Variants in FAM13B observed in about 807,000 individuals in gnomAD.
FAM13B encodes the protein family with sequence similarity 13 member B.
A neutral mutation model predicts 117.3 loss-of-function variants in FAM13B; 60 were observed. That is an observed-to-expected ratio of 0.51 (90% CI 0.42 to 0.63). The LOEUF (loss-of-function observed/expected upper bound fraction) is 0.63, where lower values mean the gene tolerates loss of function less well. Among genes scored for constraint, FAM13B ranks in the 30% least tolerant of loss-of-function variants. FAM13B has a pLI of 0.00. For synonymous variants in FAM13B, 332 were observed against 356.1 expected, an observed-to-expected ratio of 0.93 and a Z score of 0.76; for missense variants, 972 against 1,091.9, an observed-to-expected ratio of 0.89 and a Z score of 1.55.
At chr5:138,012,553 T>C (rs1397152585) in intron 4 of FAM13B, among the ~76,000 whole-genome samples, 1 of 152,232 alleles carries the variant, frequency 6.6e-6, no homozygotes, top group East Asian at 1.9e-4. Flanking sequence ...TAAATTCATG[T>C]TGGTTTCTGC....
At chr5:138,021,382 T>G (rs1028265563) in intron 1 of FAM13B, among the ~76,000 whole-genome samples, 185 bp from the exon 2 acceptor site, 15 of 152,144 alleles carry the variant, frequency 9.9e-5, no homozygotes, top group African/African-American at 3.6e-4. Context: ...GATGGAAAAT[T>G]GGAGAAGAAT....
At chr5:137,997,848 G>T (rs1002053301) in intron 7 of FAM13B, among the ~76,000 whole-genome samples, 7 of 152,178 alleles carry the variant, frequency 4.6e-5, no homozygotes, top group African/African-American at 1.4e-4. Context: ...CATACTGTAT[G>T]CCTTTTTCAC....
At chr5:137,956,798 C>CA (rs1181421546) in intron 13 of FAM13B, among the ~76,000 whole-genome samples, 7 of 151,926 alleles carry the variant, frequency 4.6e-5, no homozygotes, top group Non-Finnish European at 1.0e-4. Flanking sequence ...TATTAAAACT[C>CA]AAACATAAAA....
In FAM13B at chr5:137,975,980, C is replaced by CTTTTTTTTTTTTTTTTTTT. The variant is rs57478594; in HGVS notation, c.1179+9276_1179+9277insAAAAAAAAAAAAAAAAAAA. On this transcript the variant is annotated intron_variant, in intron 10 of 23. Transcript: ENST00000689681. ...CCACAACCAGACTGCTCAACTCTTC[C>CTTTTTTTTTTTTTTTTTTT]TTTTTTTTTTTTTTTGAGACAGTCT... 6.8e-4 allele frequency among the ~76,000 whole-genome samples: 75 copies of CTTTTTTTTTTTTTTTTTTT among 110,176 alleles called. 8 individuals are homozygous for CTTTTTTTTTTTTTTTTTTT. Among genetic ancestry groups the CTTTTTTTTTTTTTTTTTTT allele is most frequent in the African/African-American group, 1.1e-3 (30 of 27,068 alleles). The allele number at this position is 110,176 out of a possible 152,430, so 72.3% of individuals were successfully genotyped here.
In FAM13B at chr5:137,942,100, A is replaced by G. The variant is rs1038062976; in HGVS notation, c.2589-55T>C. Reference sequence around the variant, plus strand: ...GCACACTTGATTCATTATATTCTTAAGAGAGGTTCTATTTCTGGCTGCAAA... The same window carrying G: ...GCACACTTGATTCATTATATTCTTAGGAGAGGTTCTATTTCTGGCTGCAAA... On this transcript the variant is annotated intron_variant, in intron 22 of 23. Transcript: ENST00000689681. 1.8e-5 allele frequency: 26 copies of G among 1,432,528 alleles called. No individual in the cohort carries two copies. The African/African-American group carries it at 3.5e-4, about 20-fold the overall frequency. 88.7% of individuals were successfully genotyped at this position (1,432,528 alleles called of 1,614,324 possible).
At chr5:138,026,530 G>A (rs1234892581) in intron 1 of FAM13B, among the ~76,000 whole-genome samples, 1 of 150,912 alleles carries the variant, frequency 6.6e-6, no homozygotes, top group Non-Finnish European at 1.5e-5. Flanking sequence ...GGGAGGCTGA[G>A]GTGGAAGGAT....
intron 6 of FAM13B, among the ~76,000 whole-genome samples, chr5:138,009,389 A>T (rs1161098823): frequency 6.6e-6 from 1 of 152,186 alleles, no homozygotes; most frequent in Non-Finnish European, 1.5e-5. Flanking sequence ...ATCTAATGGG[A>T]AATTATCCTC....
rs1452858053 is a variant in FAM13B at position 138,032,828 on chromosome 5, G to A, written c.-249C>T. 2 of 985,624 alleles carry A rather than the reference G, an allele frequency of 2.0e-6. No homozygotes were observed. Among genetic ancestry groups the A allele is most frequent in the African/African-American group, 1.7e-5 (1 of 57,236 alleles). The allele number at this position is 985,624 out of a possible 1,614,324, so 61.1% of individuals were successfully genotyped here. A position where few individuals can be genotyped will look rare whatever the true frequency, so the allele number is the denominator to read the frequency against. On this transcript the variant is annotated 5_prime_UTR_variant, in exon 1 of 24. Coordinates refer to ENST00000689681, the MANE Select transcript of FAM13B (RefSeq NM_001385994.1). ...TTCCCTGGCCGCGGCCGCTTCTCCA[G>A]GACCCGCGGCGACGGCAAGAGGGCG...
intron 18 of FAM13B, among the ~76,000 whole-genome samples, chr5:137,947,116 C>G (rs564191885): frequency 6.6e-6 from 1 of 152,216 alleles, no homozygotes; most frequent in Non-Finnish European, 1.5e-5. Context: ...TTGTCCCCTT[C>G]GTTCTATAGG....
chr5:137,948,181 A>T (rs199953463), intron 18 of FAM13B, among the ~76,000 whole-genome samples: 1 of 4,132 alleles, frequency 2.4e-4, no homozygotes, highest in Non-Finnish European at 7.7e-4. Context: ...ATGGCTCTTC[A>T]AAAAAAAAAA....
chr5:138,014,765 T>C (rs1784867334), intron 4 of FAM13B, among the ~76,000 whole-genome samples: 1 of 152,224 alleles, frequency 6.6e-6, no homozygotes, highest in African/African-American at 2.4e-5. Flanking sequence ...CAAAGTTTTG[T>C]TTGGCTACAT....
chr5:137,949,063 G>C lies in FAM13B; in HGVS notation c.2052C>G (p.Pro684=), dbSNP rs543282248. Residue 684 remains proline (P), a synonymous_variant, in exon 18 of 24, where the codon CCC becomes CCG. Transcript: ENST00000689681. ...GTTTTTTCTCCTTCTGAATGACCTT[G>C]GGTTCATCTTCATTCTCTTCATCTT... The part of the protein sequence containing the change: ...DHEDEENEDE[P]KVIQKEKKPS... 1.4e-4 allele frequency: 230 copies of C among 1,613,988 alleles called. 2 individuals are homozygous for C. The South Asian group carries it at 2.4e-3, about 17-fold the overall frequency.
intron 10 of FAM13B, among the ~76,000 whole-genome samples, chr5:137,982,590 T>C (rs1352036065): frequency 1.3e-5 from 2 of 152,156 alleles, no homozygotes; most frequent in African/African-American, 4.8e-5. Context: ...ATGAAAGGAA[T>C]GCCCTTATCT....
intron 11 of FAM13B, among the ~76,000 whole-genome samples, chr5:137,961,981 C>A (rs1388180273): frequency 6.6e-6 from 1 of 152,188 alleles, no homozygotes; most frequent in Non-Finnish European, 1.5e-5. Context: ...TGTACTGAGA[C>A]ACACCAAGGA....
intron 7 of FAM13B, among the ~76,000 whole-genome samples, chr5:138,002,448 G>A (rs1356130346): frequency 6.6e-6 from 1 of 151,842 alleles, no homozygotes; most frequent in Non-Finnish European, 1.5e-5. Context: ...GTAGAATTGA[G>A]AACCCAGGAG....
intron 5 of FAM13B, 106 bp downstream of exon 5, chr5:138,011,662 C>T: frequency 1.4e-6 from 1 of 706,454 alleles, no homozygotes; most frequent in Non-Finnish European, 2.3e-6. Context: ...TTGTGATCCG[C>T]CCGCATCAGC....
At position 137,969,365 on chromosome 5, in the gene FAM13B, G is replaced by A. The variant is rs1019314225; in HGVS notation, c.1180-6896C>T. On this transcript the variant is annotated intron_variant, in intron 10 of 23. Transcript: ENST00000689681. ...GCAGGGGCAGACTGACACCTCACAC[G>A]GCCGGGTGCTCCAACAGACCTGCAG... Among the ~76,000 whole-genome samples the A allele has an allele frequency of 5.9e-5, 9 of 152,148 alleles. No individual in the cohort carries two copies. The East Asian group carries it at 9.6e-4, about 16-fold the overall frequency.
chr5:137,985,213 C>A, intron 10 of FAM13B, 44 bp downstream of exon 10: 3 of 1,587,100 alleles, frequency 1.9e-6, no homozygotes, highest in Non-Finnish European at 2.6e-6. Flanking sequence ...ACACATGAAG[C>A]AATCAAAGTT....
At position 138,041,952 on chromosome 5, in the gene FAM13B, T is replaced by A. The variant is rs139982303; in HGVS notation, c.-203+9926A>T. Among the ~76,000 whole-genome samples the A allele has an allele frequency of 1.9e-3, 295 of 151,326 alleles. 1 individual carries two copies. The highest frequency in any genetic ancestry group is 6.2e-3 in the African/African-American group (255 of 41,314). Reference sequence around the variant, plus strand: ...GGTTTGCACCTGTAATCCCAGCTAGTCAGGAGGCTGAGGCAGGAGGATTTT... The same window carrying A: ...GGTTTGCACCTGTAATCCCAGCTAGACAGGAGGCTGAGGCAGGAGGATTTT... On this transcript the variant is annotated intron_variant, in intron 1 of 3. Transcript: ENST00000502471.
Sources: gnomAD v4.1 joint callset for allele counts (sites outside exome capture counted in the v4.1 genomes callset) on GRCh38, gnomAD v4.1.1 for gene constraint, MANE v1.5 for transcripts, NCBI Gene and HGNC (gene_info 2026-07-23, HGNC 2026-07-21) for gene names.